Variants in TRAPPC6A observed in about 807,000 individuals in gnomAD.
TRAPPC6A encodes trafficking protein particle complex subunit 6A.
In TRAPPC6A, 25 loss-of-function variants were observed where a neutral mutation model predicts 20.8. The ratio of observed to expected loss-of-function variants is 1.20; its 90% CI spans 0.88 to 1.68. TRAPPC6A has a LOEUF of 1.68. Among genes scored for constraint, TRAPPC6A ranks in the 40% most tolerant of loss-of-function variants. TRAPPC6A has a pLI of 0.00. For missense variants in TRAPPC6A, 215 were observed against 211.6 expected (o/e 1.02, Z -0.10); for synonymous variants, 96 against 93.3 (o/e 1.03, Z -0.16).
intron 2 of TRAPPC6A, 77 bp from the exon 3 acceptor site, chr19:45,165,047 G>A (rs973673959): frequency 9.9e-6 from 16 of 1,609,354 alleles, no homozygotes; most frequent in Non-Finnish European, 1.2e-5. Flanking sequence ...CTCCTGCATG[G>A]AGCAATGCAA....
rs971189120 is a variant in TRAPPC6A at position 45,163,702 on chromosome 19, G to C, written c.448+214C>G. 6.6e-6 allele frequency among the ~76,000 whole-genome samples: 1 copy of C among 152,168 alleles called. No individual in the cohort carries two copies. Among genetic ancestry groups the C allele is most frequent in the Non-Finnish European group, 1.5e-5 (1 of 68,014 alleles). ...GCGTCCACCTCGGCTCCCATGCTGGGAAACGATGTTCAAAACCGCCAGACA... is the reference window on the plus strand; with the variant it reads ...GCGTCCACCTCGGCTCCCATGCTGGCAAACGATGTTCAAAACCGCCAGACA... On this transcript the variant is annotated intron_variant, in intron 5 of 5. Coordinates refer to ENST00000585934, the MANE Select transcript of TRAPPC6A (RefSeq NM_001270891.2). The surrounding 1 kb of genome is among the most constrained non-coding windows in gnomAD (Gnocchi z 5.3).
In TRAPPC6A at chr19:45,163,002, GTCC is replaced by G; in HGVS notation, c.*187_*189del. On this transcript the variant is annotated 3_prime_UTR_variant, in exon 6 of 6. Coordinates refer to ENST00000585934, the MANE Select transcript of TRAPPC6A (RefSeq NM_001270891.2). This position sits in a 1 kb window ranked among gnomAD's most constrained non-coding sequence, Gnocchi z 5.3. Reference sequence around the variant, plus strand: ...CTGCCGAGGCGGGAATCCCACCACAGTCCTGACCGCAGCTGGGACCCCTTTGCC... The same window carrying G: ...CTGCCGAGGCGGGAATCCCACCACAGTGACCGCAGCTGGGACCCCTTTGCC... 1.7e-6 allele frequency: 1 copy of G among 581,770 alleles called. No homozygotes were observed. The highest frequency in any genetic ancestry group is 3.2e-5 in the East Asian group (1 of 31,554). 36.0% of individuals were successfully genotyped at this position (581,770 alleles called of 1,614,324 possible).
intron 1 of TRAPPC6A, among the ~76,000 whole-genome samples, chr19:45,168,315 T>TA (rs369359914): frequency 1.1e-3 from 172 of 152,216 alleles, no homozygotes; most frequent in African/African-American, 3.9e-3. Context: ...GACCCTGTCT[T>TA]AAAAAATAAA....
chr19:45,165,131 C>A lies in TRAPPC6A; in HGVS notation c.148G>T (p.Glu50Ter). 1.9e-6 allele frequency: 3 copies of A among 1,611,900 alleles called. No individual in the cohort carries two copies. The highest frequency in any genetic ancestry group is 2.2e-5 in the South Asian group (2 of 90,778). The change falls in exon 2 of 6, where the codon GAG becomes TAG. Residue 50 changes from glutamate to a stop codon, truncating the protein, a stop_gained. Transcript: ENST00000585934. LOFTEE classifies it high-confidence loss of function. Reference sequence around the variant, plus strand: ...AGCAGGAGGGGCCGCGCTCACCTCTCGCCTAGAGCCTGGCCCACACGGAAC... The same window carrying A: ...AGCAGGAGGGGCCGCGCTCACCTCTAGCCTAGAGCCTGGCCCACACGGAAC... The part of the protein sequence containing the change: ...MGFRVGQALG[E>*]RLPRETLAFR...
chr19:45,163,729 TTC>T lies in TRAPPC6A; in HGVS notation c.448+185_448+186del, dbSNP rs2122816439. On this transcript the variant is annotated intron_variant, in intron 5 of 5. Transcript: ENST00000585934. The surrounding 1 kb of genome is among the most constrained non-coding windows in gnomAD (Gnocchi z 5.3). ...AACGATGTTCAAAACCGCCAGACAG[TTC>T]TCTCTGCAGGGCTGGCGACGTCACG... 6.6e-6 allele frequency among the ~76,000 whole-genome samples: 1 copy of T among 152,110 alleles called. No individual in the cohort carries two copies. Among genetic ancestry groups the T allele is most frequent in the East Asian group, 1.9e-4 (1 of 5,146 alleles).
Position 45,178,124 on chromosome 19 carries a change from C to A in TRAPPC6A, c.84+11G>T. 6.2e-7 allele frequency: 1 copy of A among 1,613,264 alleles called. No homozygotes were observed. On this transcript the variant is annotated intron_variant, in intron 1 of 5. Coordinates refer to ENST00000585934, the MANE Select transcript of TRAPPC6A (RefSeq NM_001270891.2). ...GGCCCCCGCTTCCTCCCCACGGAGCCCGGCGCTCACCCCCGGGCCGGGGTC... is the reference window on the plus strand; with the variant it reads ...GGCCCCCGCTTCCTCCCCACGGAGCACGGCGCTCACCCCCGGGCCGGGGTC...
rs755631122 is a variant in TRAPPC6A at position 45,178,143 on chromosome 19, C to T, written c.76G>A (p.Gly26Ser). Residue 26 changes from glycine (G) to serine (S), a missense_variant, in exon 1 of 6, where the codon GGC becomes AGC. Transcript: ENST00000585934. ...AELWAHDPDP[G>S]PGGQKMSLSV... ...CGGAGCCCGGCGCTCACCCCCGGGC[C>T]GGGGTCGGGGTCGTGAGCCCACAGC... The T allele has an allele frequency of 4.6e-5, 74 of 1,613,108 alleles. No homozygotes were observed. The highest frequency in any genetic ancestry group is 6.2e-5 in the Non-Finnish European group (73 of 1,179,434).
At chr19:45,169,605 C>T (rs549829985) in intron 1 of TRAPPC6A, among the ~76,000 whole-genome samples, 6 of 152,360 alleles carry the variant, frequency 3.9e-5, no homozygotes, top group Non-Finnish European at 5.9e-5. Flanking sequence ...AACAAGGAGA[C>T]GGCCCCAGCC....
intron 1 of TRAPPC6A, among the ~76,000 whole-genome samples, chr19:45,177,084 G>A (rs1244865286): frequency 6.6e-6 from 1 of 152,204 alleles, no homozygotes; most frequent in Non-Finnish European, 1.5e-5. Flanking sequence ...TTGGGAGGCT[G>A]AGAAGTGGGA....
chr19:45,164,143 A>G, intron 4 of TRAPPC6A, 21 bp downstream of exon 4: 8 of 1,584,608 alleles, frequency 5.0e-6, no homozygotes, highest in Non-Finnish European at 6.0e-6. Flanking sequence ...GGTGTGGACA[A>G]GGCCCCAGCT....
intron 1 of TRAPPC6A, among the ~76,000 whole-genome samples, chr19:45,175,319 C>T (rs1473769059): frequency 7.5e-5 from 11 of 145,960 alleles, no homozygotes; most frequent in Non-Finnish European, 1.5e-4. Flanking sequence ...TCCAGCTACT[C>T]GGGAGGCTGA....
At position 45,164,359 on chromosome 19, in the gene TRAPPC6A, TC is replaced by T. The variant is rs955247652; in HGVS notation, c.271-113del. The T allele has an allele frequency of 1.1e-4, 76 of 710,548 alleles. No homozygotes were observed. In the African/African-American group the frequency reaches 1.1e-3, roughly 11 times the overall value. The allele number at this position is 710,548 out of a possible 1,614,324, so 44.0% of individuals were successfully genotyped here. On this transcript the variant is annotated intron_variant, in intron 3 of 5. Transcript: ENST00000585934. ...TGGGCTGAGGTTGGGAAGGCCCCCT[TC>T]CTGAGAACCACTGGAGTCACAGCCT...
rs1168678591 is a variant in TRAPPC6A at position 45,171,530 on chromosome 19, A to T, written c.85-6336T>A. 2.6e-5 allele frequency among the ~76,000 whole-genome samples: 4 copies of T among 152,352 alleles called. No individual in the cohort carries two copies. In the East Asian group the frequency reaches 7.7e-4, roughly 29 times the overall value. ...ATCCACCACACAGGAAGGATCAATCAGACACAAAGCAGAGTTCCTGGAAAT... is the reference window on the plus strand; with the variant it reads ...ATCCACCACACAGGAAGGATCAATCTGACACAAAGCAGAGTTCCTGGAAAT... On this transcript the variant is annotated intron_variant, in intron 1 of 5. Coordinates refer to ENST00000585934, the MANE Select transcript of TRAPPC6A (RefSeq NM_001270891.2).
intron 1 of TRAPPC6A, among the ~76,000 whole-genome samples, chr19:45,165,764 C>T (rs1033465374): frequency 6.6e-6 from 1 of 152,140 alleles, no homozygotes; most frequent in African/African-American, 2.4e-5. Flanking sequence ...ACAGTGGCTG[C>T]CATGTAGTGT....
rs535739078 is a variant in TRAPPC6A, at chr19:45,165,725, G to A, written c.85-531C>T. On this transcript the variant is annotated intron_variant, in intron 1 of 5. Transcript: ENST00000585934. ...GGGAACACGTGGAAGCTCGGGACAG[G>A]CAGATCTTCGTTTGGGTGCTCGAAA... is the stretch of plus-strand genomic sequence containing the variant. Among the ~76,000 whole-genome samples the A allele has an allele frequency of 2.2e-4, 34 of 152,318 alleles. No homozygotes were observed. In the East Asian group the frequency reaches 4.6e-3, roughly 21 times the overall value.
At chr19:45,170,304 G>A (rs1161169140) in intron 1 of TRAPPC6A, among the ~76,000 whole-genome samples, 1 of 152,244 alleles carries the variant, frequency 6.6e-6, no homozygotes, top group African/African-American at 2.4e-5. Context: ...ATGGGCAAAG[G>A]TGCAATGGCC....
Position 45,164,145 on chromosome 19 carries a change from GC to G in TRAPPC6A, c.354+18del. The stretch of plus-strand genomic sequence containing the variant: ...CAGGAGGAAGGGAGGTGTGGACAAG[GC>G]CCCAGCTCCCCCCATACCTTGGGTG... On this transcript the variant is annotated intron_variant, in intron 4 of 5. Transcript: ENST00000585934. The G allele has an allele frequency of 6.3e-7, 1 of 1,586,138 alleles. No homozygotes were observed. The highest frequency in any genetic ancestry group is 1.2e-5 in the South Asian group (1 of 86,924).
chr19:45,168,285 G>T (rs1023212409), intron 1 of TRAPPC6A, among the ~76,000 whole-genome samples: 3 of 152,092 alleles, frequency 2.0e-5, no homozygotes, highest in African/African-American at 7.2e-5. Flanking sequence ...TTATAGGCGT[G>T]AGCCACCGCG....
chr19:45,177,344 CTTT>C (rs902126597), intron 1 of TRAPPC6A, among the ~76,000 whole-genome samples: 1 of 147,318 alleles, frequency 6.8e-6, no homozygotes. Flanking sequence ...CCCATTATCT[CTTT>C]TTTTTTTTTC....
Sources: gnomAD v4.1 joint callset for allele counts (sites outside exome capture counted in the v4.1 genomes callset) on GRCh38, gnomAD v4.1.1 for gene constraint, Gnocchi (gnomAD v3.1) non-coding constraint, MANE v1.5 for transcripts, NCBI Gene and HGNC (gene_info 2026-07-23, HGNC 2026-07-21) for gene names.